GRM1: variants seen among roughly 807,000 people sequenced by gnomAD.
The protein encoded by GRM1 is metabotropic glutamate receptor 1.
A neutral mutation model predicts 90.9 loss-of-function variants in GRM1; 33 were observed. That is an observed-to-expected ratio of 0.36 (90% CI 0.28 to 0.49). GRM1 has a LOEUF of 0.49. GRM1 is among the 20% of genes least tolerant of loss of function. The pLI, the probability that GRM1 is intolerant of heterozygous loss-of-function variation, is 0.99. For synonymous variants in GRM1, 700 were observed against 613.2 expected, an observed-to-expected ratio of 1.14 and a Z score of -2.09; for missense variants, 1,190 against 1,534.3, an observed-to-expected ratio of 0.78 and a Z score of 3.75.
chr6:146,270,443 T>C (rs1483255892), intron 2 of GRM1, among the ~76,000 whole-genome samples: 1 of 152,170 alleles, frequency 6.6e-6, no homozygotes, highest in Non-Finnish European at 1.5e-5. Flanking sequence ...TGGAAAGATA[T>C]GTTGCTTTCA....
intron 2 of GRM1, among the ~76,000 whole-genome samples, chr6:146,197,770 A>G (rs1779170616): frequency 6.6e-6 from 1 of 152,238 alleles, no homozygotes; most frequent in Non-Finnish European, 1.5e-5. Flanking sequence ...ATATTTACCA[A>G]AAGAATGTCA....
chr6:146,242,534 G>A (rs1000485846), intron 2 of GRM1, among the ~76,000 whole-genome samples: 3 of 152,052 alleles, frequency 2.0e-5, no homozygotes, highest in Admixed American at 6.6e-5. Context: ...TTCTCAAATG[G>A]TTAAACATTT....
chr6:146,050,284 CATGTGTGTCTCTCTAGAAA>C (rs1562429524), intron 1 of GRM1, among the ~76,000 whole-genome samples: 1 of 151,972 alleles, frequency 6.6e-6, no homozygotes, highest in African/African-American at 2.4e-5. Context: ...CTGTTTTCTT[CATGTGTGTCTCTCTAGAAA>C]ATGTGTGTCT....
chr6:146,166,267 T>G (rs1309510080), intron 2 of GRM1, among the ~76,000 whole-genome samples: 1 of 152,136 alleles, frequency 6.6e-6, no homozygotes, highest in Non-Finnish European at 1.5e-5. Flanking sequence ...GGATCTTATT[T>G]CTTTTTTTAT....
chr6:146,219,491 A>C (rs1779982400), intron 2 of GRM1, among the ~76,000 whole-genome samples: 1 of 152,072 alleles, frequency 6.6e-6, no homozygotes, highest in Non-Finnish European at 1.5e-5. Flanking sequence ...AAAGTGTAGG[A>C]CATATCCCAT....
intron 2 of GRM1, among the ~76,000 whole-genome samples, chr6:146,220,925 T>C (rs9485056): frequency 0.11 from 16,035 of 151,860 alleles, 1,616 homozygotes; most frequent in African/African-American, 0.26. Flanking sequence ...AGAAATAGCA[T>C]GTGCATAGGG....
chr6:146,035,894 A>C (rs1790873208), intron 1 of GRM1, among the ~76,000 whole-genome samples: 1 of 151,998 alleles, frequency 6.6e-6, no homozygotes. Context: ...AAAGACGAAA[A>C]AAATGACACT....
At chr6:146,186,607 A>T (rs1219995222) in intron 2 of GRM1, among the ~76,000 whole-genome samples, 1 of 152,172 alleles carries the variant, frequency 6.6e-6, no homozygotes, top group Non-Finnish European at 1.5e-5. Context: ...GTTTTACTAG[A>T]TGTTTTCCTA....
intron 2 of GRM1, among the ~76,000 whole-genome samples, chr6:146,263,025 G>A (rs567257552): frequency 6.6e-6 from 1 of 151,902 alleles, no homozygotes; most frequent in Non-Finnish European, 1.5e-5. Flanking sequence ...TACTGCTGCT[G>A]AATGTAAATA....
intron 6 of GRM1, among the ~76,000 whole-genome samples, chr6:146,388,719 G>C (rs1465611069): frequency 6.6e-6 from 1 of 152,010 alleles, no homozygotes; most frequent in Non-Finnish European, 1.5e-5. Flanking sequence ...ATTCCGCTTT[G>C]CTCCCGCTGG....
intron 1 of GRM1, among the ~76,000 whole-genome samples, chr6:146,084,452 G>A (rs1776473958): frequency 6.6e-6 from 1 of 152,048 alleles, no homozygotes; most frequent in African/African-American, 2.4e-5. Context: ...GTTCTCGTTG[G>A]TTTCAAAGAA....
At chr6:146,349,833 T>C (rs1484780255) in intron 3 of GRM1, among the ~76,000 whole-genome samples, 1 of 152,250 alleles carries the variant, frequency 6.6e-6, no homozygotes, top group Non-Finnish European at 1.5e-5. Context: ...GACTATTGTT[T>C]GTATATACAT....
chr6:146,357,289 A>G (rs1476524311), intron 4 of GRM1, among the ~76,000 whole-genome samples: 1 of 152,238 alleles, frequency 6.6e-6, no homozygotes, highest in African/African-American at 2.4e-5. Flanking sequence ...GCAGAGAGAA[A>G]AGTACAAGAG....
chr6:146,434,447 C>A lies in GRM1; in HGVS notation c.3236C>A (p.Pro1079Gln), dbSNP rs145216301. Residue 1079 changes from proline to glutamine, a missense_variant, in exon 8 of 8, where the codon CCG becomes CAG. This residue lies in a region of GRM1 where 400 missense variants were observed against 360.8 expected (regional missense o/e 1.11). Transcript: ENST00000282753. ...CCTCCGCAGCACCTGCAGATGCTGC[C>A]GCTGCAGCTGAGCACCTTTGGGGAG... is the stretch of plus-strand genomic sequence containing the variant. Reference protein sequence around the residue: ...PPPPQHLQMLPLQLSTFGEEL... With the variant: ...PPPPQHLQMLQLQLSTFGEEL... 12 of 1,613,770 alleles carry A rather than the reference C, an allele frequency of 7.4e-6. No homozygotes were observed. Among genetic ancestry groups the A allele is most frequent in the Middle Eastern group, 1.7e-4 (1 of 6,060 alleles).
At chr6:146,375,945 C>G (rs1776083507) in intron 5 of GRM1, among the ~76,000 whole-genome samples, 2 of 152,024 alleles carry the variant, frequency 1.3e-5, no homozygotes, top group Admixed American at 1.3e-4. Context: ...TCCCTCCCTT[C>G]TCTCTTTCCT....
intron 5 of GRM1, among the ~76,000 whole-genome samples, chr6:146,378,461 G>A (rs1454999941): frequency 6.6e-6 from 1 of 152,238 alleles, no homozygotes; most frequent in Non-Finnish European, 1.5e-5. Context: ...CCTGGATTCA[G>A]ACATGGAGTC....
chr6:146,357,067 A>G (rs1384788953), intron 4 of GRM1, among the ~76,000 whole-genome samples: 1 of 152,194 alleles, frequency 6.6e-6, no homozygotes, highest in Non-Finnish European at 1.5e-5. Context: ...TTCTTGCTCT[A>G]TTAGCACCTT....
In GRM1 at chr6:146,043,782, G is replaced by GATATATATATATATATATATATATAT. The variant is rs3064997; in HGVS notation, c.700+13569_700+13594dup. On this transcript the variant is annotated intron_variant, in intron 1 of 7. Coordinates refer to ENST00000282753, the MANE Select transcript of GRM1 (RefSeq NM_001278064.2). ...ACTCTATTTTTGGAAAGAGTCAGGT[G>GATATATATATATATATATATATATAT]ATATATATATATATATATATATATA... 5.1e-3 allele frequency among the ~76,000 whole-genome samples: 458 copies of GATATATATATATATATATATATATAT among 89,748 alleles called. 6 individuals carry two copies. The highest frequency in any genetic ancestry group is 9.2e-3 in the Non-Finnish European group (341 of 37,246). The allele number at this position is 89,748 out of a possible 152,430, so 58.9% of individuals were successfully genotyped here. A position where few individuals can be genotyped will look rare whatever the true frequency, so the allele number is the denominator to read the frequency against.
chr6:146,410,844 G>A (rs940910837), intron 7 of GRM1, among the ~76,000 whole-genome samples: 2 of 152,146 alleles, frequency 1.3e-5, no homozygotes, highest in African/African-American at 4.8e-5. Flanking sequence ...TATAAGGAAT[G>A]TTTGTTTAGC....
Sources: gnomAD v4.1 joint callset for allele counts (sites outside exome capture counted in the v4.1 genomes callset) on GRCh38, gnomAD v4.1.1 for gene constraint, gnomAD v4.1.1 regional missense constraint, MANE v1.5 for transcripts, NCBI Gene and HGNC (gene_info 2026-07-23, HGNC 2026-07-21) for gene names.